TENM2: variants seen among roughly 807,000 people sequenced by gnomAD.
TENM2 encodes teneurin transmembrane protein 2.
Under a neutral mutation model 245.2 loss-of-function variants are expected in TENM2, and 52 were observed. That is an observed-to-expected ratio of 0.21 (90% CI 0.17 to 0.27). The LOEUF is 0.27. TENM2 is among the 10% of genes least tolerant of loss of function. The pLI is 1.00. For synonymous variants in TENM2, 1,363 were observed against 1,438.9 expected, an observed-to-expected ratio of 0.95 and a Z score of 1.19; for missense variants, 3,046 against 3,666.8, an observed-to-expected ratio of 0.83 and a Z score of 4.37.
At chr5:167,650,997 C>T (rs1053752071) in intron 2 of TENM2, among the ~76,000 whole-genome samples, 2 of 152,048 alleles carry the variant, frequency 1.3e-5, no homozygotes, top group Non-Finnish European at 2.9e-5. Context: ...ACTACAGGTA[C>T]AAAATAGCGT....
the TENM2 span, among the ~76,000 whole-genome samples, chr5:167,140,062 G>A: frequency 8.3e-4 from 126 of 152,208 alleles, no homozygotes; most frequent in Non-Finnish European, 1.6e-3. Context: ...CAACTAAAAC[G>A]TGGCAAAATT....
intron 2 of TENM2, among the ~76,000 whole-genome samples, chr5:167,736,497 A>G (rs562294311): frequency 2.7e-4 from 41 of 152,222 alleles, no homozygotes; most frequent in Admixed American, 1.4e-3. Flanking sequence ...AAAATTATCC[A>G]TTTTGGCAAA....
chr5:167,462,410 G>A (rs1226626614), intron 2 of TENM2, among the ~76,000 whole-genome samples: 4 of 152,226 alleles, frequency 2.6e-5, no homozygotes, highest in Non-Finnish European at 2.9e-5. Context: ...GTTCACAGAC[G>A]GTTTAAGTGT....
chr5:167,151,977 T>C, the TENM2 span, among the ~76,000 whole-genome samples: 1 of 152,186 alleles, frequency 6.6e-6, no homozygotes, highest in African/African-American at 2.4e-5. Context: ...ACTACGGCTT[T>C]TTCACATGCT....
chr5:168,165,664 C>CCCT (rs1554212409), intron 13 of TENM2, among the ~76,000 whole-genome samples: 1 of 105,950 alleles, frequency 9.4e-6, no homozygotes, highest in Non-Finnish European at 2.1e-5. Flanking sequence ...CCCCCCCCCC[C>CCCT]GGCTGGCAGA....
At chr5:167,850,180 T>C (rs1166221670) in intron 2 of TENM2, among the ~76,000 whole-genome samples, 3 of 152,196 alleles carry the variant, frequency 2.0e-5, no homozygotes, top group Non-Finnish European at 2.9e-5. Flanking sequence ...AAGACATTCA[T>C]ATCTCCAGAG....
intron 2 of TENM2, among the ~76,000 whole-genome samples, chr5:167,689,051 G>A (rs756871932): frequency 2.6e-5 from 4 of 152,238 alleles, no homozygotes; most frequent in Middle Eastern, 3.4e-3. Flanking sequence ...TTGAACTTCC[G>A]GAAAAACGTT....
At chr5:167,457,222 C>T (rs1765976989) in intron 2 of TENM2, among the ~76,000 whole-genome samples, 1 of 152,132 alleles carries the variant, frequency 6.6e-6, no homozygotes, top group Non-Finnish European at 1.5e-5. Context: ...CATTCTAAAA[C>T]ATATGGAATC....
chr5:168,084,881 A>T (rs1792311789), intron 7 of TENM2, among the ~76,000 whole-genome samples: 1 of 152,196 alleles, frequency 6.6e-6, no homozygotes, highest in Non-Finnish European at 1.5e-5. Context: ...GTCTGACCCT[A>T]GCACTGCTAA....
At chr5:167,727,735 C>G (rs1760126600) in intron 2 of TENM2, among the ~76,000 whole-genome samples, 1 of 152,180 alleles carries the variant, frequency 6.6e-6, no homozygotes, top group South Asian at 2.1e-4. Flanking sequence ...TATTTATTTA[C>G]TACAGCACCA....
At chr5:167,541,425 G>A (rs1395564336) in intron 2 of TENM2, among the ~76,000 whole-genome samples, 1 of 151,954 alleles carries the variant, frequency 6.6e-6, no homozygotes. Flanking sequence ...AATTTTAGAG[G>A]GTGAGGTGTT....
intron 5 of TENM2, among the ~76,000 whole-genome samples, chr5:168,015,681 G>A (rs575169117): frequency 1.1e-4 from 16 of 152,256 alleles, no homozygotes; most frequent in Non-Finnish European, 2.1e-4. Flanking sequence ...TCTTTTCTGT[G>A]GTGGGTGTTT....
intron 2 of TENM2, among the ~76,000 whole-genome samples, chr5:167,730,581 C>A (rs540964201): frequency 4.6e-5 from 7 of 152,126 alleles, no homozygotes; most frequent in African/African-American, 1.4e-4. Context: ...CCACTCTACT[C>A]CCCCGTCATC....
chr5:167,360,655 A>G (rs1185597418), intron 1 of TENM2, among the ~76,000 whole-genome samples: 2 of 152,184 alleles, frequency 1.3e-5, no homozygotes, highest in East Asian at 1.9e-4. Context: ...TTCTACTACA[A>G]TTATTACTCT....
rs543227343 is a variant in TENM2 at position 168,162,835 on chromosome 5, G to A, written c.2569+78G>A. On this transcript the variant is annotated intron_variant, in intron 13 of 28. Transcript: ENST00000518659. ...CTTTTGTCATAAGTCATTTTTCTTC[G>A]GAAAGACCTCCCCTGCACTATTGTC... 2.3e-5 allele frequency: 35 copies of A among 1,507,780 alleles called. No individual in the cohort carries two copies. The East Asian group carries it at 3.4e-4, about 15-fold the overall frequency. 93.4% of individuals were successfully genotyped at this position (1,507,780 alleles called of 1,614,324 possible).
intron 2 of TENM2, among the ~76,000 whole-genome samples, chr5:167,693,256 TG>T (rs1370710804): frequency 6.6e-6 from 1 of 152,170 alleles, no homozygotes; most frequent in African/African-American, 2.4e-5. Flanking sequence ...CTAAGAAATC[TG>T]CCCCTATTGG....
intron 2 of TENM2, among the ~76,000 whole-genome samples, chr5:167,707,291 A>G (rs1037127529): frequency 1.3e-5 from 2 of 152,076 alleles, no homozygotes; most frequent in Non-Finnish European, 2.9e-5. Flanking sequence ...CTGTTGAGTA[A>G]TAGGAGTTCC....
At chr5:167,016,638 C>T in the TENM2 span, among the ~76,000 whole-genome samples, 4 of 152,196 alleles carry the variant, frequency 2.6e-5, no homozygotes, top group East Asian at 1.9e-4. Context: ...CTGCAATATG[C>T]GACAACATGG....
chr5:167,278,050 T>A, the TENM2 span, among the ~76,000 whole-genome samples: 1 of 152,200 alleles, frequency 6.6e-6, no homozygotes, highest in Non-Finnish European at 1.5e-5. Context: ...ATGCCTGTAA[T>A]CCCAGCACTT....
Sources: allele counts gnomAD v4.1 joint callset (sites outside exome capture counted in the v4.1 genomes callset), GRCh38; gene constraint gnomAD v4.1.1; transcripts MANE v1.5; gene names NCBI Gene and HGNC (gene_info 2026-07-23, HGNC 2026-07-21).